Variants in MEIS1 observed in about 807,000 individuals in gnomAD.
MEIS1 encodes Meis homeobox 1.
Under a neutral mutation model 50.8 loss-of-function variants are expected in MEIS1, and 5 were observed. The ratio of observed to expected loss-of-function variants is 0.10; its 90% CI spans 0.05 to 0.21. The LOEUF is 0.21. MEIS1 is among the 10% of genes least tolerant of loss of function. The probability of loss-of-function intolerance (pLI) is 1.00; values close to 1 mark genes in which losing one functional copy is unlikely to be tolerated. For synonymous variants in MEIS1, 176 were observed against 179.3 expected, an observed-to-expected ratio of 0.98 and a Z score of 0.15; for missense variants, 318 against 517.3, an observed-to-expected ratio of 0.61 and a Z score of 3.74.
intron 9 of MEIS1, among the ~76,000 whole-genome samples, chr2:66,555,830 T>TA (rs1675049187): frequency 6.6e-6 from 1 of 152,100 alleles, no homozygotes; most frequent in Non-Finnish European, 1.5e-5. Flanking sequence ...CCTGAAATAT[T>TA]AAAAAATGGG....
intron 7 of MEIS1, among the ~76,000 whole-genome samples, chr2:66,483,662 A>G (rs1673072648): frequency 6.6e-6 from 1 of 152,166 alleles, no homozygotes; most frequent in African/African-American, 2.4e-5. Context: ...AATTCTTACC[A>G]CAAGGCCTTG....
intron 7 of MEIS1, among the ~76,000 whole-genome samples, chr2:66,498,914 G>T (rs1408145065): frequency 6.6e-6 from 1 of 152,216 alleles, no homozygotes; most frequent in Non-Finnish European, 1.5e-5. Flanking sequence ...GATCCCAGCT[G>T]TTTCGTATGC....
At chr2:66,523,511 G>A (rs908195907) in intron 8 of MEIS1, among the ~76,000 whole-genome samples, 4 of 152,154 alleles carry the variant, frequency 2.6e-5, no homozygotes, top group Non-Finnish European at 4.4e-5. Flanking sequence ...AATCAGTTTT[G>A]AATGTTCCCA....
intron 3 of MEIS1, 109 bp from the exon 4 acceptor site, chr2:66,440,453 G>GCC: frequency 1.1e-6 from 1 of 936,426 alleles, no homozygotes. Flanking sequence ...GTTACTTCCT[G>GCC]CCCCCGACAG....
intron 6 of MEIS1, among the ~76,000 whole-genome samples, chr2:66,453,938 G>T (rs1672331891): frequency 6.6e-6 from 1 of 151,946 alleles, no homozygotes; most frequent in Non-Finnish European, 1.5e-5. Flanking sequence ...TGTATTGCTT[G>T]TCATTTTTAG....
rs181878833 is a variant in MEIS1 at position 66,555,397 on chromosome 2, A to C, written c.965+7378A>C. Among the ~76,000 whole-genome samples the C allele has an allele frequency of 5.7e-4, 87 of 151,576 alleles. 1 individual carries two copies. The highest frequency in any genetic ancestry group is 2.1e-3 in the African/African-American group (86 of 41,290). ...GTATGTAAGAGCAGATTTGAAACTC[A>C]CTATGTGAATCAAGGGGACAAATGT... is the stretch of plus-strand genomic sequence containing the variant. On this transcript the variant is annotated intron_variant, in intron 9 of 12. Coordinates refer to ENST00000272369, the MANE Select transcript of MEIS1 (RefSeq NM_002398.3).
In MEIS1 at chr2:66,521,070, T is replaced by C. The variant is rs143829793; in HGVS notation, c.888+8776T>C. Among the ~76,000 whole-genome samples, 893 of 152,310 alleles carry C rather than the reference T, an allele frequency of 5.9e-3. 3 individuals carry two copies. Among genetic ancestry groups the C allele is most frequent in the African/African-American group, 0.02 (841 of 41,550 alleles). ...TCTGATGGTTATTAGTAACTAAGGG[T>C]CAAGAATGGTCCTTCCCTATCTGGA... On this transcript the variant is annotated intron_variant, in intron 8 of 12. Coordinates refer to ENST00000272369, the MANE Select transcript of MEIS1 (RefSeq NM_002398.3).
At chr2:66,442,270 TAAAAAA>T (rs11292294) in intron 5 of MEIS1, among the ~76,000 whole-genome samples, 3 of 114,564 alleles carry the variant, frequency 2.6e-5, no homozygotes, top group African/African-American at 6.2e-5. Flanking sequence ...CTCCTTTTTG[TAAAAAA>T]AAAAAAAAAA....
intron 7 of MEIS1, among the ~76,000 whole-genome samples, chr2:66,486,461 C>T (rs1673145194): frequency 6.6e-6 from 1 of 152,160 alleles, no homozygotes; most frequent in Non-Finnish European, 1.5e-5. Context: ...GTCTATATAT[C>T]TGCTTTGGTA....
intron 7 of MEIS1, among the ~76,000 whole-genome samples, chr2:66,484,522 T>A (rs544371853): frequency 4.9e-4 from 75 of 152,310 alleles, no homozygotes; most frequent in African/African-American, 1.7e-3. Context: ...CATTCCTTTT[T>A]TACAAAAGGA....
At chr2:66,454,194 T>G (rs1167999417) in intron 6 of MEIS1, among the ~76,000 whole-genome samples, 2 of 152,098 alleles carry the variant, frequency 1.3e-5, no homozygotes, top group African/African-American at 4.8e-5. Context: ...TTCATTACAT[T>G]ATATTTTATC....
intron 11 of MEIS1, 118 bp from the exon 12 acceptor site, chr2:66,568,932 G>A: frequency 8.9e-7 from 1 of 1,117,472 alleles, no homozygotes. Context: ...TTTATGCACT[G>A]AAGATCTCAC....
At chr2:66,446,790 CGG>C (rs1672161763) in intron 6 of MEIS1, among the ~76,000 whole-genome samples, 7 of 152,294 alleles carry the variant, frequency 4.6e-5, no homozygotes, top group Admixed American at 4.6e-4. Flanking sequence ...GGACGGCCGC[CGG>C]GGCTGTGCAG....
intron 10 of MEIS1, 155 bp from the exon 11 acceptor site, chr2:66,568,512 G>GTT: frequency 1.8e-6 from 1 of 568,028 alleles, no homozygotes; most frequent in Non-Finnish European, 3.2e-6. Flanking sequence ...TGTAGATCTA[G>GTT]TCTGAGAGAA....
At chr2:66,476,241 T>C (rs1009462364) in intron 7 of MEIS1, among the ~76,000 whole-genome samples, 23 of 152,176 alleles carry the variant, frequency 1.5e-4, no homozygotes, top group Admixed American at 1.1e-3. Context: ...GAATATGACT[T>C]CAGCCTATAA....
chr2:66,496,440 C>T (rs1673405895), intron 7 of MEIS1, among the ~76,000 whole-genome samples: 1 of 152,072 alleles, frequency 6.6e-6, no homozygotes, highest in Admixed American at 6.5e-5. Flanking sequence ...CTGACCAGGC[C>T]TGGTCAGTGT....
At chr2:66,441,579 T>C in intron 5 of MEIS1, 115 bp downstream of exon 5, 1 of 831,290 alleles carries the variant, frequency 1.2e-6, no homozygotes, top group Non-Finnish European at 1.8e-6. Context: ...AATGTCTTTC[T>C]TTCTGGTAAT....
At position 66,439,956 on chromosome 2, in the gene MEIS1, A is replaced by G. The variant is rs202151942; in HGVS notation, c.353A>G (p.Asn118Ser). 2.5e-5 allele frequency: 40 copies of G among 1,612,858 alleles called. No individual in the cohort carries two copies. The highest frequency in any genetic ancestry group is 4.0e-5 in the African/African-American group (3 of 74,952). Reference sequence around the variant, plus strand: ...GACGTCTGCTCGTCAGAGTCATTCAATGAAGATATAGCCGTGTTCGCCAAA... The same window carrying G: ...GACGTCTGCTCGTCAGAGTCATTCAGTGAAGATATAGCCGTGTTCGCCAAA... ...GGDVCSSESFNEDIAVFAKQI... is the reference protein window; with the variant it reads ...GGDVCSSESFSEDIAVFAKQI... Residue 118 changes from asparagine to serine, a missense_variant, in exon 3 of 13, where the codon AAT becomes AGT. Asn to Ser is a conservative substitution (Grantham distance 46, BLOSUM62 1). Around this residue, in one of 6 missense-constraint regions of MEIS1, gnomAD observed 75 missense variants for 153.7 expected, o/e 0.49. Coordinates refer to ENST00000272369, the MANE Select transcript of MEIS1 (RefSeq NM_002398.3).
At chr2:66,495,176 AT>A (rs1462782759) in intron 7 of MEIS1, among the ~76,000 whole-genome samples, 2 of 141,252 alleles carry the variant, frequency 1.4e-5, no homozygotes, top group African/African-American at 5.4e-5. Context: ...AGTTTTTATA[AT>A]TTTGGTTTTC....
Sources: allele counts gnomAD v4.1 joint callset (sites outside exome capture counted in the v4.1 genomes callset), GRCh38; gene constraint gnomAD v4.1.1; regional missense constraint gnomAD v4.1.1; transcripts MANE v1.5; gene names NCBI Gene and HGNC (gene_info 2026-07-23, HGNC 2026-07-21).